Variants in RTL4 observed in about 807,000 individuals in gnomAD.
RTL4 encodes the protein retrotransposon Gag like 4.
Under a neutral mutation model 5.3 loss-of-function variants are expected in RTL4, and 4 were observed. The ratio of observed to expected loss-of-function variants is 0.75; its 90% CI spans 0.37 to 1.72. The LOEUF is 1.72. RTL4 is among the 40% of genes most tolerant of loss of function. RTL4 has a pLI of 0.04. For synonymous variants in RTL4, 98 were observed against 87.3 expected (o/e 1.12, Z -0.68); for missense variants, 260 against 227.1 (o/e 1.14, Z -0.93).
At chrX:112,440,593 T>G in the RTL4 span, among the ~76,000 whole-genome samples, 2 of 112,231 alleles carry the variant, frequency 1.8e-5, no homozygotes, top group Non-Finnish European at 3.8e-5. Flanking sequence ...GGTTGGCAGA[T>G]GGACAATTTT....
the RTL4 span, among the ~76,000 whole-genome samples, chrX:112,176,851 A>G: frequency 1.8e-5 from 2 of 110,673 alleles, no homozygotes; most frequent in South Asian, 7.7e-4. Context: ...TTCAGCCTCT[A>G]GTAACTACCA....
chrX:112,337,813 T>C, the RTL4 span, among the ~76,000 whole-genome samples: 9 of 111,294 alleles, frequency 8.1e-5, no homozygotes, highest in Non-Finnish European at 1.7e-4. Context: ...ATGTCCTATG[T>C]GTCTGTAGTC....
chrX:112,357,524 A>G, the RTL4 span, among the ~76,000 whole-genome samples: 8 of 112,047 alleles, frequency 7.1e-5, no homozygotes, highest in Admixed American at 1.9e-4. Flanking sequence ...AACAAACCAA[A>G]AAGATCAAAA....
At chrX:112,159,969 A>T in the RTL4 span, among the ~76,000 whole-genome samples, 7 of 111,437 alleles carry the variant, frequency 6.3e-5, no homozygotes, top group East Asian at 2.0e-3. Flanking sequence ...CTCAGCTTTC[A>T]TAGATCCTTT....
the RTL4 span, among the ~76,000 whole-genome samples, chrX:112,179,153 A>G: frequency 1.8e-5 from 2 of 111,172 alleles, no homozygotes; most frequent in Admixed American, 1.9e-4. Context: ...AATGTGGCCC[A>G]CAGTTCTTCA....
At chrX:112,448,684 C>T in the RTL4 span, among the ~76,000 whole-genome samples, 1 of 111,535 alleles carries the variant, frequency 9.0e-6, no homozygotes, top group Admixed American at 9.5e-5. Flanking sequence ...GTCCCATCCC[C>T]ATCCCCATCC....
At chrX:112,336,138 A>C in the RTL4 span, among the ~76,000 whole-genome samples, 1 of 111,888 alleles carries the variant, frequency 8.9e-6, no homozygotes, top group East Asian at 2.8e-4. Flanking sequence ...CTTGTAGCCA[A>C]GTAGTTGATC....
the RTL4 span, among the ~76,000 whole-genome samples, chrX:112,161,873 C>CTTTCTTT: frequency 2.1e-5 from 1 of 46,574 alleles, no homozygotes; most frequent in Non-Finnish European, 4.1e-5. Flanking sequence ...TTCTTTCTTT[C>CTTTCTTT]CTTCTTTCTT....
the RTL4 span, among the ~76,000 whole-genome samples, chrX:112,325,456 T>A: frequency 9.0e-6 from 1 of 111,614 alleles, no homozygotes; most frequent in African/African-American, 3.3e-5. Context: ...AACATTGATA[T>A]AGACCAATGG....
chrX:112,092,904 A>G, the RTL4 span, among the ~76,000 whole-genome samples: 4 of 111,588 alleles, frequency 3.6e-5, no homozygotes, highest in Non-Finnish European at 5.7e-5. Flanking sequence ...TAAATTGCCC[A>G]GTCTCAGGTA....
At chrX:112,246,319 C>T in the RTL4 span, among the ~76,000 whole-genome samples, 1 of 111,869 alleles carries the variant, frequency 8.9e-6, no homozygotes, top group African/African-American at 3.3e-5. Flanking sequence ...TGCCCTGCCC[C>T]AGAGGTGGAG....
At chrX:112,125,423 C>T in the RTL4 span, among the ~76,000 whole-genome samples, 1 of 111,921 alleles carries the variant, frequency 8.9e-6, no homozygotes, top group African/African-American at 3.3e-5. Flanking sequence ...AAAACCACCA[C>T]TCTCCCCACA....
chrX:112,248,777 G>A, the RTL4 span, among the ~76,000 whole-genome samples: 1 of 112,142 alleles, frequency 8.9e-6, no homozygotes, highest in Non-Finnish European at 1.9e-5. Context: ...AGGCTAGGGG[G>A]TAGTGAAACT....
the RTL4 span, among the ~76,000 whole-genome samples, chrX:112,258,149 A>C: frequency 9.0e-6 from 1 of 110,504 alleles, no homozygotes; most frequent in Non-Finnish European, 1.9e-5. Flanking sequence ...AAAAGTTATT[A>C]ATAGTCTTCT....
the RTL4 span, among the ~76,000 whole-genome samples, chrX:112,394,768 TAATA>T: frequency 8.9e-6 from 1 of 112,355 alleles, no homozygotes; most frequent in Non-Finnish European, 1.9e-5. Context: ...ATCTATTTTT[TAATA>T]AATAAGATTT....
the RTL4 span, among the ~76,000 whole-genome samples, chrX:112,403,110 T>C: frequency 8.9e-6 from 1 of 111,829 alleles, no homozygotes; most frequent in Non-Finnish European, 1.9e-5. Context: ...CTTGGTTTTA[T>C]GTACATGTGG....
the RTL4 span, among the ~76,000 whole-genome samples, chrX:112,146,093 A>G: frequency 2.7e-5 from 3 of 111,960 alleles, no homozygotes; most frequent in African/African-American, 9.8e-5. Context: ...ATTCAGGGAG[A>G]TCAGATTGGA....
chrX:112,402,319 A>T, the RTL4 span, among the ~76,000 whole-genome samples: 13 of 110,145 alleles, frequency 1.2e-4, 1 homozygote, highest in Admixed American at 1.3e-3. Flanking sequence ...TTGCAAGCAC[A>T]TGGTGTTTAT....
At chrX:112,408,329 CA>C in the RTL4 span, among the ~76,000 whole-genome samples, 13 of 109,329 alleles carry the variant, frequency 1.2e-4, no homozygotes, top group Non-Finnish European at 3.8e-5. Context: ...AAGAGTCAAA[CA>C]GAAATTCTGG....
Sources: allele counts gnomAD v4.1 joint callset (sites outside exome capture counted in the v4.1 genomes callset), GRCh38; gene constraint gnomAD v4.1.1; transcripts MANE v1.5; gene names NCBI Gene and HGNC (gene_info 2026-07-23, HGNC 2026-07-21).